HPSE2: variants seen among roughly 807,000 people sequenced by gnomAD.
HPSE2 encodes heparanase 2 (inactive), also known as inactive heparanase-2.
In HPSE2, 38 loss-of-function variants were observed where a neutral mutation model predicts 60.5. That is an observed-to-expected ratio of 0.63 (90% CI 0.48 to 0.82). The LOEUF (loss-of-function observed/expected upper bound fraction) is 0.82, where lower values mean the gene tolerates loss of function less well. Among genes scored for constraint, HPSE2 ranks in the 40% least tolerant of loss-of-function variants. The pLI is 0.00. For synonymous variants in HPSE2, 295 were observed against 293.2 expected (o/e 1.01, Z -0.06); for missense variants, 713 against 740.4 (o/e 0.96, Z 0.43).
intron 3 of HPSE2, among the ~76,000 whole-genome samples, chr10:99,014,146 C>T (rs1000636825): frequency 2.6e-5 from 4 of 152,234 alleles, no homozygotes; most frequent in African/African-American, 9.6e-5. Flanking sequence ...GTCCCTGCTA[C>T]TGCCACACAC....
chr10:98,728,680 GT>G (rs1383919502), intron 4 of HPSE2, among the ~76,000 whole-genome samples: 1 of 152,048 alleles, frequency 6.6e-6, no homozygotes, highest in East Asian at 1.9e-4. Flanking sequence ...ATTGTGATGA[GT>G]TAAGATGTAT....
intron 3 of HPSE2, among the ~76,000 whole-genome samples, chr10:98,766,713 T>C (rs1359772582): frequency 2.0e-5 from 3 of 152,078 alleles, no homozygotes; most frequent in African/African-American, 4.8e-5. Context: ...TTGCTTGAGC[T>C]CAGGAATTGG....
At chr10:99,269,072 T>C in the HPSE2 span, among the ~76,000 whole-genome samples, 1 of 151,736 alleles carries the variant, frequency 6.6e-6, no homozygotes, top group Non-Finnish European at 1.5e-5. Context: ...GGCAGGAGAA[T>C]CACTTGAACC....
intron 2 of HPSE2, among the ~76,000 whole-genome samples, chr10:99,209,316 C>T (rs1848873463): frequency 6.6e-6 from 1 of 151,998 alleles, no homozygotes; most frequent in Non-Finnish European, 1.5e-5. Context: ...TAGTATAAAA[C>T]TAGAAACCAG....
chr10:98,649,037 A>G (rs1311215512), intron 6 of HPSE2, among the ~76,000 whole-genome samples: 1 of 152,120 alleles, frequency 6.6e-6, no homozygotes, highest in Non-Finnish European at 1.5e-5. Context: ...CTTCATGGTA[A>G]ATCTAAATTG....
chr10:98,638,994 C>T (rs1241646597), intron 7 of HPSE2, among the ~76,000 whole-genome samples: 3 of 152,172 alleles, frequency 2.0e-5, no homozygotes, highest in Non-Finnish European at 4.4e-5. Context: ...ACATGCTTTT[C>T]CAGAATCTTG....
At chr10:99,209,522 AG>A (rs1848880633) in intron 2 of HPSE2, among the ~76,000 whole-genome samples, 1 of 152,190 alleles carries the variant, frequency 6.6e-6, no homozygotes, top group South Asian at 2.1e-4. Flanking sequence ...AAATGCTTAC[AG>A]GGGAAAAAAA....
chr10:99,034,756 G>C (rs1589552052), intron 3 of HPSE2, among the ~76,000 whole-genome samples: 1 of 152,130 alleles, frequency 6.6e-6, no homozygotes, highest in Non-Finnish European at 1.5e-5. Context: ...AGATGTTATA[G>C]CCTCCTACAC....
chr10:99,073,238 A>G (rs1488693005), intron 3 of HPSE2, among the ~76,000 whole-genome samples: 1 of 152,228 alleles, frequency 6.6e-6, no homozygotes, highest in Non-Finnish European at 1.5e-5. Context: ...ATGCCCATCA[A>G]TGATAGACTG....
intron 3 of HPSE2, among the ~76,000 whole-genome samples, chr10:98,800,712 A>G (rs1950886698): frequency 6.6e-6 from 1 of 152,062 alleles, no homozygotes; most frequent in Non-Finnish European, 1.5e-5. Flanking sequence ...ATAACAAGTA[A>G]TGAAATTGAA....
chr10:98,779,917 T>C (rs1950426392), intron 3 of HPSE2, among the ~76,000 whole-genome samples: 1 of 152,218 alleles, frequency 6.6e-6, no homozygotes, highest in East Asian at 1.9e-4. Flanking sequence ...GGGTAGGGAA[T>C]TGCCTGATTT....
the HPSE2 span, among the ~76,000 whole-genome samples, chr10:99,252,985 CACAA>C: frequency 2.6e-5 from 4 of 151,638 alleles, no homozygotes; most frequent in African/African-American, 9.7e-5. Context: ...TCACAGATGA[CACAA>C]ACAAATAGAA....
At chr10:99,142,197 C>T (rs746200137) in intron 3 of HPSE2, among the ~76,000 whole-genome samples, 2 of 152,178 alleles carry the variant, frequency 1.3e-5, no homozygotes, top group Non-Finnish European at 1.5e-5. Flanking sequence ...CAACCTCACC[C>T]TCCTTACCAA....
At chr10:98,560,292 TTCTC>T (rs1237228972) in intron 9 of HPSE2, among the ~76,000 whole-genome samples, 2 of 152,182 alleles carry the variant, frequency 1.3e-5, no homozygotes, top group Non-Finnish European at 2.9e-5. Flanking sequence ...ACCCACTGCT[TTCTC>T]TCTATTCGTT....
intron 3 of HPSE2, among the ~76,000 whole-genome samples, chr10:98,891,504 A>G (rs1953335379): frequency 6.6e-6 from 1 of 152,172 alleles, no homozygotes; most frequent in South Asian, 2.1e-4. Flanking sequence ...GCTGGAATAC[A>G]GCAGCATGAT....
At chr10:98,770,007 A>G (rs1950206351) in intron 3 of HPSE2, among the ~76,000 whole-genome samples, 1 of 152,202 alleles carries the variant, frequency 6.6e-6, no homozygotes, top group African/African-American at 2.4e-5. Flanking sequence ...TATATCTAGA[A>G]AGAGAAATCC....
Position 99,212,226 on chromosome 10 carries a change from G to A in HPSE2, c.448+20122C>T, listed in dbSNP as rs577148311. 4.6e-5 allele frequency among the ~76,000 whole-genome samples: 7 copies of A among 152,024 alleles called. No individual in the cohort carries two copies. In the East Asian group the frequency reaches 1.4e-3, roughly 29 times the overall value. ...AAAGGAAACCCTTGCATACTTGGTG[G>A]GAATGTAAATCAGTAGAGCCATTAT... On this transcript the variant is annotated intron_variant, in intron 2 of 11. Transcript: ENST00000370552.
intron 3 of HPSE2, among the ~76,000 whole-genome samples, chr10:99,113,373 G>A (rs1790371549): frequency 6.6e-6 from 1 of 152,048 alleles, no homozygotes; most frequent in Admixed American, 6.6e-5. Context: ...TTGCTTTTAG[G>A]AATAAAGGAC....
At chr10:98,746,825 T>C (rs1312554027) in intron 3 of HPSE2, among the ~76,000 whole-genome samples, 1 of 151,968 alleles carries the variant, frequency 6.6e-6, no homozygotes, top group Non-Finnish European at 1.5e-5. Context: ...CTGAAGTTTC[T>C]TTTATCTATA....
Sources: allele counts gnomAD v4.1 joint callset (sites outside exome capture counted in the v4.1 genomes callset), GRCh38; gene constraint gnomAD v4.1.1; transcripts MANE v1.5; gene names NCBI Gene and HGNC (gene_info 2026-07-23, HGNC 2026-07-21).